Variants in RASSF5 observed in about 807,000 individuals in gnomAD.
RASSF5 encodes Ras association domain family member 5.
In RASSF5, 25 loss-of-function variants were observed where a neutral mutation model predicts 40.5. That is an observed-to-expected ratio of 0.62 (90% CI 0.45 to 0.86). The LOEUF (loss-of-function observed/expected upper bound fraction) is 0.86. RASSF5 is among the 40% of genes least tolerant of loss of function. RASSF5 has a pLI of 0.00. For missense variants in RASSF5, 521 were observed against 572.8 expected, an observed-to-expected ratio of 0.91 and a Z score of 0.92; for synonymous variants, 246 against 252.4, an observed-to-expected ratio of 0.97 and a Z score of 0.24.
chr1:206,559,211 T>A (rs1240762909), intron 2 of RASSF5, among the ~76,000 whole-genome samples: 1 of 152,218 alleles, frequency 6.6e-6, no homozygotes, highest in African/African-American at 2.4e-5. Context: ...GTTTTGTTGC[T>A]GCCTGGGAAG....
At chr1:206,512,160 TC>T (rs1312801486) in intron 1 of RASSF5, among the ~76,000 whole-genome samples, 1 of 151,994 alleles carries the variant, frequency 6.6e-6, no homozygotes, top group Non-Finnish European at 1.5e-5. Context: ...ATTGTGAGAA[TC>T]CCCCACTCCC....
At chr1:206,538,429 C>A in intron 2 of RASSF5, 136 bp downstream of exon 2, 1 of 1,193,950 alleles carries the variant, frequency 8.4e-7, no homozygotes, top group Non-Finnish European at 1.2e-6. Context: ...ATGGAGTTCA[C>A]AGACACCCTG....
At chr1:206,556,750 C>A (rs1667999131) in intron 2 of RASSF5, among the ~76,000 whole-genome samples, 1 of 152,156 alleles carries the variant, frequency 6.6e-6, no homozygotes, top group South Asian at 2.1e-4. Flanking sequence ...TGCTGTTTCC[C>A]CAGGCAGGGC....
At chr1:206,571,657 A>G (rs1668454952) in intron 2 of RASSF5, among the ~76,000 whole-genome samples, 1 of 152,322 alleles carries the variant, frequency 6.6e-6, no homozygotes, top group South Asian at 2.1e-4. Context: ...CTAATTCTAG[A>G]TAAGAGTGGG....
chr1:206,520,387 A>G (rs1480104053), intron 1 of RASSF5, among the ~76,000 whole-genome samples: 1 of 152,162 alleles, frequency 6.6e-6, no homozygotes, highest in East Asian at 1.9e-4. Flanking sequence ...CAGGCAGATC[A>G]CCTGAGGTCA....
chr1:206,530,200 A>G (rs868914710), intron 1 of RASSF5, among the ~76,000 whole-genome samples: 3 of 152,200 alleles, frequency 2.0e-5, no homozygotes, highest in South Asian at 2.1e-4. Context: ...CTCAAAGCAA[A>G]CATGTGACCT....
chr1:206,527,178 A>G (rs1337489812), intron 1 of RASSF5, among the ~76,000 whole-genome samples: 1 of 152,124 alleles, frequency 6.6e-6, no homozygotes, highest in Non-Finnish European at 1.5e-5. Context: ...CCCATTCTCT[A>G]AGACCTCTAT....
In RASSF5 at chr1:206,531,538, C is replaced by T. The variant is rs1406372748; in HGVS notation, c.458-6634C>T. ...TGGAGCTGCCCTGGGATGGTCTGTG[C>T]GCAGAGGGCGCTGGAGACCCTCTCT... On this transcript the variant is annotated intron_variant, in intron 1 of 5. Coordinates refer to ENST00000579436, the MANE Select transcript of RASSF5 (RefSeq NM_182663.4). The surrounding 1 kb of genome is among the most constrained non-coding windows in gnomAD (Gnocchi z 4.7). Among the ~76,000 whole-genome samples the T allele has an allele frequency of 6.6e-6, 1 of 152,116 alleles. No individual in the cohort carries two copies. Among genetic ancestry groups the T allele is most frequent in the Non-Finnish European group, 1.5e-5 (1 of 68,014 alleles).
chr1:206,553,861 G>A (rs574000111), intron 2 of RASSF5, among the ~76,000 whole-genome samples: 3 of 152,334 alleles, frequency 2.0e-5, no homozygotes, highest in African/African-American at 4.8e-5. Context: ...AGGCCGCAGA[G>A]TATAGAGTTC....
rs1297011919 is a variant in RASSF5, at chr1:206,521,741, C to T, written c.457+13682C>T. On this transcript the variant is annotated intron_variant, in intron 1 of 5. Transcript: ENST00000579436. ...CCCTCCCCTTCTCTTTCCGTATGTG[C>T]CCCTCACTTCTAGAGCCCAAATCCT... 2.4e-4 allele frequency among the ~76,000 whole-genome samples: 36 copies of T among 152,224 alleles called. 1 individual carries two copies. Among genetic ancestry groups the T allele is most frequent in the Admixed American group, 2.4e-3 (36 of 15,288 alleles).
Position 206,587,072 on chromosome 1 carries a change from G to T in RASSF5, c.*94G>T. The T allele has an allele frequency of 1.4e-6, 2 of 1,479,684 alleles. No homozygotes were observed. Among genetic ancestry groups the T allele is most frequent in the South Asian group, 1.2e-5 (1 of 83,336 alleles). 91.7% of individuals were successfully genotyped at this position (1,479,684 alleles called of 1,614,324 possible). On this transcript the variant is annotated 3_prime_UTR_variant, in exon 6 of 6. Transcript: ENST00000579436. ...GACACTTTTTCTCAGGACATCTCTGGCAGGTGCATTTGTGCCTGCCCAGCA... is the reference window on the plus strand; with the variant it reads ...GACACTTTTTCTCAGGACATCTCTGTCAGGTGCATTTGTGCCTGCCCAGCA...
chr1:206,507,677 A>G lies in RASSF5; in HGVS notation c.75A>G (p.Leu25=). The change falls in exon 1 of 6, where the codon CTA becomes CTG. Residue 25 remains leucine, a synonymous_variant. Coordinates refer to ENST00000579436, the MANE Select transcript of RASSF5 (RefSeq NM_182663.4). ...LLLDPEPPRY[L]QSLSGPELPP... ...TGGACCCCGAGCCGCCGCGCTATCT[A>G]CAGAGCCTGAGCGGCCCCGAGCTAC... 3 of 1,518,442 alleles carry G rather than the reference A, an allele frequency of 2.0e-6. No individual in the cohort carries two copies. The highest frequency in any genetic ancestry group is 2.0e-5 in the Admixed American group (1 of 50,186). 94.1% of individuals were successfully genotyped at this position (1,518,442 alleles called of 1,614,324 possible).
chr1:206,579,889 T>G lies in RASSF5; in HGVS notation c.580-3380T>G, dbSNP rs528797042. 6.6e-6 allele frequency among the ~76,000 whole-genome samples: 1 copy of G among 152,168 alleles called. No individual in the cohort carries two copies. The highest frequency in any genetic ancestry group is 1.5e-5 in the Non-Finnish European group (1 of 68,016). The stretch of plus-strand genomic sequence containing the variant: ...CTAATTCAGGAGGTGATTCATTTGG[T>G]CCATGGGTCACATCTTGTCTGCCAG... On this transcript the variant is annotated intron_variant, in intron 2 of 5. Transcript: ENST00000579436. The surrounding 1 kb of genome is among the most constrained non-coding windows in gnomAD (Gnocchi z 4.2).
At chr1:206,509,920 C>T (rs945429121) in intron 1 of RASSF5, among the ~76,000 whole-genome samples, 1 of 152,086 alleles carries the variant, frequency 6.6e-6, no homozygotes, top group Non-Finnish European at 1.5e-5. Context: ...TTGTGTGTGA[C>T]TTGGTGAGGT....
chr1:206,516,305 C>T (rs995007450), intron 1 of RASSF5, among the ~76,000 whole-genome samples: 1 of 152,132 alleles, frequency 6.6e-6, no homozygotes, highest in Non-Finnish European at 1.5e-5. Flanking sequence ...TTCTGAAAGC[C>T]CCATCTCCAG....
At chr1:206,520,875 T>A (rs1370858209) in intron 1 of RASSF5, among the ~76,000 whole-genome samples, 2 of 152,186 alleles carry the variant, frequency 1.3e-5, no homozygotes, top group Non-Finnish European at 2.9e-5. Context: ...AGACTTTTCA[T>A]AACTGCTCCC....
At chr1:206,586,766 T>C (rs1207257296) in intron 5 of RASSF5, 60 bp from the exon 6 acceptor site, 8 of 1,379,478 alleles carry the variant, frequency 5.8e-6, no homozygotes, top group Non-Finnish European at 7.1e-6. Context: ...TCAGGTCGTG[T>C]CAACTTCTAA....
At chr1:206,527,341 T>A (rs1031552031) in intron 1 of RASSF5, among the ~76,000 whole-genome samples, 7 of 152,114 alleles carry the variant, frequency 4.6e-5, no homozygotes, top group African/African-American at 1.7e-4. Flanking sequence ...GGAGGGGGTT[T>A]GCAGAGGCTG....
intron 2 of RASSF5, chr1:206,571,280 CAG>C (rs1668439731): frequency 9.1e-6 from 1 of 110,382 alleles, no homozygotes; most frequent in African/African-American, 3.1e-5. Context: ...ATTTTTTCAT[CAG>C]GTTTTTTTTT....
Sources: allele counts gnomAD v4.1 joint callset (sites outside exome capture counted in the v4.1 genomes callset), GRCh38; gene constraint gnomAD v4.1.1; non-coding constraint Gnocchi (gnomAD v3.1); transcripts MANE v1.5; gene names NCBI Gene and HGNC (gene_info 2026-07-23, HGNC 2026-07-21).